CNTN3: variants seen among roughly 807,000 people sequenced by gnomAD.
CNTN3 encodes contactin 3, also known as contactin-3.
In CNTN3, 60 loss-of-function variants were observed where a neutral mutation model predicts 119.1. The ratio of observed to expected loss-of-function variants is 0.50; its 90% CI spans 0.41 to 0.62. The LOEUF (loss-of-function observed/expected upper bound fraction) is 0.62. Among genes scored for constraint, CNTN3 ranks in the 20% least tolerant of loss-of-function variants. The probability of loss-of-function intolerance (pLI) is 0.00; values close to 1 mark genes in which losing one functional copy is unlikely to be tolerated. For synonymous variants in CNTN3, 450 were observed against 438.7 expected (o/e 1.03, Z -0.32); for missense variants, 1,101 against 1,242.4 (o/e 0.89, Z 1.71).
chr3:74,435,015 T>C (rs1701842912), intron 4 of CNTN3, among the ~76,000 whole-genome samples: 1 of 152,192 alleles, frequency 6.6e-6, no homozygotes, highest in Admixed American at 6.5e-5. Flanking sequence ...CCTGTTGTTA[T>C]TCTCTCAAAG....
intron 20 of CNTN3, among the ~76,000 whole-genome samples, chr3:74,285,101 C>G (rs1432098776): frequency 6.6e-6 from 1 of 152,124 alleles, no homozygotes; most frequent in Non-Finnish European, 1.5e-5. Flanking sequence ...GGTGCACGTT[C>G]ATTTTCACAC....
chr3:74,611,309 G>C (rs779286113), intron 1 of CNTN3, among the ~76,000 whole-genome samples: 1 of 152,096 alleles, frequency 6.6e-6, no homozygotes, highest in Non-Finnish European at 1.5e-5. Flanking sequence ...ATGCTATAAA[G>C]TTCTGCCAGC....
intron 1 of CNTN3, among the ~76,000 whole-genome samples, chr3:74,544,525 C>G (rs1020480084): frequency 6.6e-6 from 1 of 152,044 alleles, no homozygotes; most frequent in Non-Finnish European, 1.5e-5. Flanking sequence ...TGGACTAACT[C>G]AATGAAAACA....
In CNTN3 at chr3:74,330,249, G is replaced by A. The variant is rs150556065; in HGVS notation, c.1668+4486C>T. On this transcript the variant is annotated intron_variant, in intron 13 of 22. Coordinates refer to ENST00000263665, the MANE Select transcript of CNTN3 (RefSeq NM_020872.3). ...TGCATGCCGGTAGTCCCAGCTAGTA[G>A]GGAGGCTGAGCCTTGAGGATCATTT... Among the ~76,000 whole-genome samples the A allele has an allele frequency of 8.0e-3, 1,222 of 152,122 alleles. 7 individuals are homozygous for A. Among genetic ancestry groups the A allele is most frequent in the African/African-American group, 0.028 (1,180 of 41,494 alleles).
intron 1 of CNTN3, among the ~76,000 whole-genome samples, chr3:74,556,540 A>G (rs1036319005): frequency 2.0e-5 from 3 of 152,140 alleles, no homozygotes; most frequent in African/African-American, 7.2e-5. Flanking sequence ...TTCATTCATA[A>G]GTTGATGGAC....
Position 74,462,938 on chromosome 3 carries a change from T to C in CNTN3, c.358+23518A>G, listed in dbSNP as rs565182974. 2.6e-5 allele frequency among the ~76,000 whole-genome samples: 4 copies of C among 152,272 alleles called. No individual in the cohort carries two copies. The East Asian group carries it at 5.8e-4, about 22-fold the overall frequency. On this transcript the variant is annotated intron_variant, in intron 4 of 22. Transcript: ENST00000263665. Reference sequence around the variant, plus strand: ...ATGCCCTGTTAATCTCTTCCTACTCTGTGCTTCCACAATTTCTTCAAATTC... The same window carrying C: ...ATGCCCTGTTAATCTCTTCCTACTCCGTGCTTCCACAATTTCTTCAAATTC...
At chr3:74,287,419 C>T (rs942373144) in intron 19 of CNTN3, among the ~76,000 whole-genome samples, 2 of 152,022 alleles carry the variant, frequency 1.3e-5, no homozygotes, top group Non-Finnish European at 2.9e-5. Context: ...TAAAAATAAT[C>T]TATTAAAATG....
intron 11 of CNTN3, among the ~76,000 whole-genome samples, chr3:74,339,570 T>C (rs909393128): frequency 2.0e-5 from 3 of 152,136 alleles, no homozygotes; most frequent in African/African-American, 7.2e-5. Flanking sequence ...GAGTGTCCAA[T>C]TACATATTTG....
chr3:74,462,922 T>C (rs949742557), intron 4 of CNTN3, among the ~76,000 whole-genome samples: 1 of 152,164 alleles, frequency 6.6e-6, no homozygotes, highest in African/African-American at 2.4e-5. Context: ...CATGCCCTGT[T>C]AATCTCTTCC....
intron 19 of CNTN3, among the ~76,000 whole-genome samples, chr3:74,286,856 T>C (rs1029405957): frequency 6.6e-6 from 1 of 152,190 alleles, no homozygotes; most frequent in Non-Finnish European, 1.5e-5. Context: ...TGAGTGACTA[T>C]GCCTTGGTTT....
intron 5 of CNTN3, among the ~76,000 whole-genome samples, chr3:74,403,442 G>A (rs1705248372): frequency 6.6e-6 from 1 of 152,118 alleles, no homozygotes; most frequent in African/African-American, 2.4e-5. Flanking sequence ...AAAGCACTAG[G>A]TGGTTGAGTT....
chr3:74,396,053 TC>T (rs1705043070), intron 5 of CNTN3, among the ~76,000 whole-genome samples: 1 of 152,198 alleles, frequency 6.6e-6, no homozygotes, highest in Non-Finnish European at 1.5e-5. Flanking sequence ...AACTGGTGTT[TC>T]CCCTGTCTCT....
intron 2 of CNTN3, among the ~76,000 whole-genome samples, chr3:74,519,959 G>A (rs2107119891): frequency 6.6e-6 from 1 of 151,684 alleles, no homozygotes; most frequent in East Asian, 1.9e-4. Context: ...TTTGAAGCAT[G>A]TTTGAACTTT....
At chr3:74,432,189 G>A (rs1026594007) in intron 4 of CNTN3, among the ~76,000 whole-genome samples, 1 of 152,068 alleles carries the variant, frequency 6.6e-6, no homozygotes, top group African/African-American at 2.4e-5. Context: ...TTTGTGCACT[G>A]CCATGCAAAA....
At chr3:74,545,997 C>T (rs530283347) in intron 1 of CNTN3, among the ~76,000 whole-genome samples, 7 of 149,516 alleles carry the variant, frequency 4.7e-5, no homozygotes, top group African/African-American at 1.5e-4. Context: ...TTTTTCCTTT[C>T]TTTTTTTTTT....
At chr3:74,375,327 G>T (rs1704452163) in intron 5 of CNTN3, among the ~76,000 whole-genome samples, 2 of 152,148 alleles carry the variant, frequency 1.3e-5, no homozygotes, top group African/African-American at 4.8e-5. Flanking sequence ...AGAGGATCTA[G>T]ACACAAATGT....
chr3:74,369,347 C>G lies in CNTN3; in HGVS notation c.788G>C (p.Arg263Thr). The G allele has an allele frequency of 1.2e-6, 2 of 1,604,228 alleles. No homozygotes were observed. The highest frequency in any genetic ancestry group is 1.7e-6 in the Non-Finnish European group (2 of 1,175,594). ...GCTGGAAAATGGCAGCCCATCACTT[C>G]TTCTCCAATTAATCTGAGGTATGGG... ...GNPIPQINWR[R>T]SDGLPFSSKI... Residue 263 changes from arginine (R) to threonine (T), a missense_variant, in exon 8 of 23, where the codon AGA (arginine) becomes ACA (threonine). Physicochemically the swap from Arg to Thr is moderately conservative, Grantham distance 71. Transcript: ENST00000263665.
intron 5 of CNTN3, among the ~76,000 whole-genome samples, chr3:74,394,999 T>C (rs893318655): frequency 6.6e-6 from 1 of 152,172 alleles, no homozygotes; most frequent in South Asian, 2.1e-4. Flanking sequence ...ATTAATAAGA[T>C]AAAATGCAAA....
At chr3:74,314,969 C>A (rs1702793400) in intron 13 of CNTN3, among the ~76,000 whole-genome samples, 1 of 152,118 alleles carries the variant, frequency 6.6e-6, no homozygotes, top group Admixed American at 6.5e-5. Flanking sequence ...GAGGTTGACA[C>A]AAGATACGGG....
Sources: allele counts gnomAD v4.1 joint callset (sites outside exome capture counted in the v4.1 genomes callset), GRCh38; gene constraint gnomAD v4.1.1; transcripts MANE v1.5; gene names NCBI Gene and HGNC (gene_info 2026-07-23, HGNC 2026-07-21).